Variants in CLVS1 observed in about 807,000 individuals in gnomAD.
CLVS1 encodes the protein clavesin 1.
Under a neutral mutation model 33.1 loss-of-function variants are expected in CLVS1, and 10 were observed. That is an observed-to-expected ratio of 0.30 (90% CI 0.19 to 0.51). The LOEUF (loss-of-function observed/expected upper bound fraction) is 0.51, where lower values mean the gene tolerates loss of function less well. Among genes scored for constraint, CLVS1 ranks in the 20% least tolerant of loss-of-function variants. The probability of loss-of-function intolerance (pLI) is 0.97; values close to 1 mark genes in which losing one functional copy is unlikely to be tolerated. For missense variants in CLVS1, 343 were observed against 433.4 expected, an observed-to-expected ratio of 0.79 and a Z score of 1.85; for synonymous variants, 163 against 166.1, an observed-to-expected ratio of 0.98 and a Z score of 0.14.
At chr8:61,432,570 C>T (rs1183867070) in intron 3 of CLVS1, among the ~76,000 whole-genome samples, 1 of 152,146 alleles carries the variant, frequency 6.6e-6, no homozygotes, top group African/African-American at 2.4e-5. Context: ...AGAAACTGGC[C>T]CTGCCTCTGC....
intron 3 of CLVS1, among the ~76,000 whole-genome samples, chr8:61,420,305 A>G (rs1246131830): frequency 2.0e-5 from 3 of 152,212 alleles, no homozygotes; most frequent in Non-Finnish European, 4.4e-5. Context: ...CAAGCCTTTA[A>G]AAAAACATTG....
intron 3 of CLVS1, among the ~76,000 whole-genome samples, chr8:61,407,943 T>A (rs758711253): frequency 6.6e-6 from 1 of 152,216 alleles, no homozygotes; most frequent in South Asian, 2.1e-4. Flanking sequence ...ATTTGTTAAG[T>A]GTTTTTCATT....
chr8:61,439,315 G>T (rs1320060586), intron 3 of CLVS1, among the ~76,000 whole-genome samples: 3 of 152,090 alleles, frequency 2.0e-5, no homozygotes, highest in African/African-American at 7.3e-5. Flanking sequence ...GAAGTATTTT[G>T]TACTAACCAT....
intron 3 of CLVS1, among the ~76,000 whole-genome samples, chr8:61,427,561 T>G (rs1038050602): frequency 1.3e-5 from 2 of 152,164 alleles, no homozygotes; most frequent in African/African-American, 4.8e-5. Flanking sequence ...GCAATTAAAT[T>G]GAGAAATGGG....
intron 2 of CLVS1, among the ~76,000 whole-genome samples, chr8:61,207,162 GA>G (rs1353927693): frequency 6.6e-6 from 1 of 152,192 alleles, no homozygotes; most frequent in African/African-American, 2.4e-5. Context: ...CAAAGAGAAG[GA>G]AAAAGTAATT....
chr8:61,084,345 A>G (rs956013039), intron 1 of CLVS1, among the ~76,000 whole-genome samples: 2 of 152,164 alleles, frequency 1.3e-5, no homozygotes, highest in African/African-American at 4.8e-5. Context: ...TGGAAAAAGA[A>G]TAGAGACTTT....
intron 5 of CLVS1, among the ~76,000 whole-genome samples, chr8:61,497,679 G>A (rs1023164413): frequency 3.3e-5 from 5 of 152,284 alleles, no homozygotes; most frequent in African/African-American, 1.2e-4. Context: ...TCTCATGCAA[G>A]AAAGAATTCA....
chr8:61,453,027 G>A (rs891169691), intron 3 of CLVS1, among the ~76,000 whole-genome samples: 4 of 151,848 alleles, frequency 2.6e-5, no homozygotes, highest in African/African-American at 4.8e-5. Context: ...GGAGCAGCTC[G>A]CTGCTGAACC....
chr8:61,494,622 T>C (rs1225285672), intron 5 of CLVS1, among the ~76,000 whole-genome samples: 1 of 144,848 alleles, frequency 6.9e-6, no homozygotes, highest in Non-Finnish European at 1.5e-5. Flanking sequence ...AAGTGCAGAA[T>C]TCCTAAGCAC....
intron 3 of CLVS1, among the ~76,000 whole-genome samples, chr8:61,381,503 G>A (rs1813876926): frequency 6.6e-6 from 1 of 152,122 alleles, no homozygotes; most frequent in Non-Finnish European, 1.5e-5. Context: ...ACTGTACGTT[G>A]CTGAGGTTTG....
At chr8:61,270,008 C>T (rs1809400981) in intron 2 of CLVS1, among the ~76,000 whole-genome samples, 4 of 150,438 alleles carry the variant, frequency 2.7e-5, no homozygotes, top group Admixed American at 6.6e-5. Flanking sequence ...CCTTTATTTC[C>T]TTCTCCTGCC....
At chr8:61,350,781 C>T (rs1454220771) in intron 2 of CLVS1, among the ~76,000 whole-genome samples, 3 of 152,028 alleles carry the variant, frequency 2.0e-5, no homozygotes, top group Admixed American at 6.6e-5. Flanking sequence ...CCCAGTCACC[C>T]GCACGGCAGC....
chr8:61,157,303 C>T (rs1806670052), intron 2 of CLVS1, among the ~76,000 whole-genome samples: 1 of 152,144 alleles, frequency 6.6e-6, no homozygotes, highest in African/African-American at 2.4e-5. Context: ...AAAGGAAAAT[C>T]TCTTCAACTA....
chr8:61,373,378 T>C (rs1051455452), intron 2 of CLVS1, among the ~76,000 whole-genome samples: 1 of 152,224 alleles, frequency 6.6e-6, no homozygotes, highest in Non-Finnish European at 1.5e-5. Context: ...AACCTTTTAC[T>C]TTTCTCCTGG....
chr8:61,021,972 G>A, the CLVS1 span, among the ~76,000 whole-genome samples: 1 of 152,194 alleles, frequency 6.6e-6, no homozygotes, highest in South Asian at 2.1e-4. Flanking sequence ...CCACTTATAA[G>A]TGAGAACATG....
At chr8:61,397,620 C>T (rs1284834728) in intron 3 of CLVS1, among the ~76,000 whole-genome samples, 1 of 152,084 alleles carries the variant, frequency 6.6e-6, no homozygotes, top group Admixed American at 6.5e-5. Flanking sequence ...TGATTGACGC[C>T]TATGTTTTTT....
Position 61,299,865 on chromosome 8 carries a change from T to A in CLVS1, c.38T>A (p.Leu13Ter). ...PVSLLPKYQK[L>*]NTWNGDLAKM... ...TCTCTTCTTCCAAAATATCAGAAGTTAAACACTTGGAACGGAGATTTGGCC... is the reference window on the plus strand; with the variant it reads ...TCTCTTCTTCCAAAATATCAGAAGTAAAACACTTGGAACGGAGATTTGGCC... Residue 13 changes from leucine (L) to a stop codon, truncating the protein, a stop_gained, in exon 2 of 6, where the codon TTA (leucine) becomes TAA (stop). Transcript: ENST00000325897. LOFTEE classifies it high-confidence loss of function. 1 of 1,613,064 alleles carries A rather than the reference T, an allele frequency of 6.2e-7. No individual in the cohort carries two copies. Among genetic ancestry groups the A allele is most frequent in the African/African-American group, 1.3e-5 (1 of 74,920 alleles).
chr8:61,490,804 C>T (rs1381668107), intron 5 of CLVS1, among the ~76,000 whole-genome samples: 1 of 150,516 alleles, frequency 6.6e-6, no homozygotes. Context: ...ACTAAAAATA[C>T]AAAATTAGCT....
intron 2 of CLVS1, among the ~76,000 whole-genome samples, chr8:61,334,802 G>T (rs1212684862): frequency 6.6e-6 from 1 of 152,180 alleles, no homozygotes; most frequent in East Asian, 1.9e-4. Context: ...CTGCCCAAGG[G>T]GTTCACCTTG....
Sources: allele counts gnomAD v4.1 joint callset (sites outside exome capture counted in the v4.1 genomes callset), GRCh38; gene constraint gnomAD v4.1.1; transcripts MANE v1.5; gene names NCBI Gene and HGNC (gene_info 2026-07-23, HGNC 2026-07-21).